Variants in SPATS2 observed in about 807,000 individuals in gnomAD.
SPATS2 encodes spermatogenesis-associated serine-rich protein 2.
Under a neutral mutation model 63.7 loss-of-function variants are expected in SPATS2, and 38 were observed. The observed-to-expected ratio is 0.60, with a 90% CI of 0.46 to 0.78. The LOEUF is 0.78. Ranked by LOEUF, SPATS2 falls within the 30% of genes least tolerant of loss-of-function variation. SPATS2 has a pLI of 0.00. For synonymous variants in SPATS2, 207 were observed against 232.9 expected (o/e 0.89, Z 1.01); for missense variants, 588 against 666.2 (o/e 0.88, Z 1.29).
chr12:49,391,507 G>A (rs1443373820), intron 2 of SPATS2, among the ~76,000 whole-genome samples: 4 of 151,988 alleles, frequency 2.6e-5, no homozygotes, highest in East Asian at 3.8e-4. Context: ...GCAAGACTGC[G>A]TCTCAAAAAA....
At chr12:49,408,252 CTTTTT>C (rs201465422) in intron 2 of SPATS2, among the ~76,000 whole-genome samples, 1 of 137,106 alleles carries the variant, frequency 7.3e-6, no homozygotes, top group Admixed American at 7.4e-5. Flanking sequence ...TAGTATTCTT[CTTTTT>C]TTTTTTTTTT....
intron 2 of SPATS2, chr12:49,390,203 A>T: frequency 8.2e-7 from 1 of 1,223,004 alleles, no homozygotes; most frequent in South Asian, 1.4e-5. Flanking sequence ...CATGGCTCCC[A>T]GTGGTCAAAT....
intron 2 of SPATS2, among the ~76,000 whole-genome samples, chr12:49,418,109 T>TTTTTTTG (rs1944920481): frequency 4.1e-5 from 3 of 73,808 alleles, no homozygotes; most frequent in Non-Finnish European, 7.6e-5. Context: ...AATGACTCAG[T>TTTTTTTG]TTTTTTTTTT....
At chr12:49,418,618 T>A (rs1944931137) in intron 2 of SPATS2, among the ~76,000 whole-genome samples, 1 of 152,054 alleles carries the variant, frequency 6.6e-6, no homozygotes, top group African/African-American at 2.4e-5. Flanking sequence ...TTATTTTTAT[T>A]TTTTGTAGAG....
intron 2 of SPATS2, chr12:49,406,534 C>A: frequency 6.6e-6 from 1 of 152,556 alleles, no homozygotes; most frequent in South Asian, 2.0e-4. Context: ...GCAATCCTCC[C>A]ACCTTGGCCT....
At position 49,526,091 on chromosome 12, in the gene SPATS2, C is replaced by G; in HGVS notation, c.1474C>G (p.Pro492Ala). The change falls in exon 14 of 14, where the codon CCA becomes GCA. Residue 492 changes from proline (P) to alanine (A), a missense_variant. Transcript: ENST00000552918. Reference protein sequence around the residue: ...YSSGSRYQSAPSQAPGNTIER... With the variant: ...YSSGSRYQSAASQAPGNTIER... ...ATCTGGTTCCAGGTATCAGAGTGCT[C>G]CATCTCAGGCACCAGGAAACACCAT... 6.2e-7 allele frequency: 1 copy of G among 1,614,176 alleles called. No homozygotes were observed. The highest frequency in any genetic ancestry group is 8.5e-7 in the Non-Finnish European group (1 of 1,180,026).
intron 7 of SPATS2, among the ~76,000 whole-genome samples, chr12:49,495,506 C>T (rs183723214): frequency 6.6e-6 from 1 of 152,196 alleles, no homozygotes; most frequent in East Asian, 1.9e-4. Context: ...TGAAAAAATA[C>T]AATTCTTGTT....
At chr12:49,518,131 C>T (rs1044161276) in intron 10 of SPATS2, among the ~76,000 whole-genome samples, 4 of 152,206 alleles carry the variant, frequency 2.6e-5, no homozygotes, top group Non-Finnish European at 2.9e-5. Context: ...CCCCTTCTCC[C>T]ATATTACATA....
At chr12:49,387,641 A>G (rs11613622) in intron 2 of SPATS2, among the ~76,000 whole-genome samples, 12,550 of 145,754 alleles carry the variant, frequency 0.086, 531 homozygotes, top group African/African-American at 0.14. Flanking sequence ...TCTGTCTCAA[A>G]AAAAAAAAAA....
At chr12:49,399,070 C>A (rs1944561346) in intron 2 of SPATS2, among the ~76,000 whole-genome samples, 1 of 152,138 alleles carries the variant, frequency 6.6e-6, no homozygotes, top group South Asian at 2.1e-4. Context: ...AAGGGCTTCT[C>A]ACCTTCTGAC....
chr12:49,506,137 G>A (rs1592467891), intron 9 of SPATS2, among the ~76,000 whole-genome samples: 1 of 152,180 alleles, frequency 6.6e-6, no homozygotes, highest in East Asian at 1.9e-4. Context: ...AATGTTCTGA[G>A]CATGTTTAAG....
At chr12:49,500,347 T>C in intron 9 of SPATS2, 142 bp downstream of exon 9, 1 of 918,042 alleles carries the variant, frequency 1.1e-6, no homozygotes. Context: ...ATATTTAGCT[T>C]TCTGCTTTGT....
chr12:49,467,174 C>T lies in SPATS2; in HGVS notation c.25+6137C>T, dbSNP rs185402885. 2.2e-3 allele frequency among the ~76,000 whole-genome samples: 333 copies of T among 149,484 alleles called. 1 individual carries two copies. Among genetic ancestry groups the T allele is most frequent in the African/African-American group, 7.7e-3 (312 of 40,730 alleles). On this transcript the variant is annotated intron_variant, in intron 3 of 13. Coordinates refer to ENST00000552918, the MANE Select transcript of SPATS2 (RefSeq NM_023071.4). ...GGAGATTTCCCCTGCCTCAACCTCC[C>T]GATAGCTGGGACTACAGGCCCACAC...
At position 49,526,113 on chromosome 12, in the gene SPATS2, C is replaced by A; in HGVS notation, c.1496C>A (p.Thr499Asn). The change falls in exon 14 of 14, where the codon ACC becomes AAC. Residue 499 changes from threonine to asparagine, a missense_variant. Physicochemically the swap from Thr to Asn is moderately conservative, Grantham distance 65 (BLOSUM62 0). Transcript: ENST00000552918. The part of the protein sequence containing the change: ...QSAPSQAPGN[T>N]IERGQTHSAG... ...GCTCCATCTCAGGCACCAGGAAACA[C>A]CATTGAAAGAGGCCAGACTCACTCT... 1 of 1,614,160 alleles carries A rather than the reference C, an allele frequency of 6.2e-7. No individual in the cohort carries two copies. Among genetic ancestry groups the A allele is most frequent in the Non-Finnish European group, 8.5e-7 (1 of 1,180,030 alleles).
At chr12:49,493,117 AGAAAG>A (rs1946411294) in intron 6 of SPATS2, among the ~76,000 whole-genome samples, 1 of 146,390 alleles carries the variant, frequency 6.8e-6, no homozygotes, top group Non-Finnish European at 1.5e-5. Context: ...AAAAAAAAAA[AGAAAG>A]AAAGAAAGAT....
intron 2 of SPATS2, among the ~76,000 whole-genome samples, chr12:49,390,763 A>G (rs1944404963): frequency 6.6e-6 from 1 of 152,232 alleles, no homozygotes; most frequent in South Asian, 2.1e-4. Flanking sequence ...TTAGCTAACA[A>G]TTGTCCATAA....
chr12:49,421,430 A>C lies in SPATS2; in HGVS notation c.-243-39340A>C, dbSNP rs1165152796. The stretch of plus-strand genomic sequence containing the variant: ...AGACTTTGTCTCAAAAAAAAAAAAA[A>C]AAAAAAAAAAAAACAACCTTTGCAC... On this transcript the variant is annotated intron_variant, in intron 2 of 13. Coordinates refer to ENST00000552918, the MANE Select transcript of SPATS2 (RefSeq NM_023071.4). Among the ~76,000 whole-genome samples the C allele has an allele frequency of 2.3e-4, 35 of 150,834 alleles. No individual in the cohort carries two copies. In the East Asian group the frequency reaches 2.3e-3, roughly 10 times the overall value.
At chr12:49,451,452 A>G (rs910558852) in intron 2 of SPATS2, among the ~76,000 whole-genome samples, 1 of 152,172 alleles carries the variant, frequency 6.6e-6, no homozygotes, top group African/African-American at 2.4e-5. Flanking sequence ...TATATTTGCT[A>G]TAAACCTAAT....
At chr12:49,436,415 C>T (rs1293813181) in intron 2 of SPATS2, among the ~76,000 whole-genome samples, 1 of 144,024 alleles carries the variant, frequency 6.9e-6, no homozygotes, top group Admixed American at 6.8e-5. Context: ...CCCCCACCTC[C>T]CTCCCGGAGG....
Sources: allele counts gnomAD v4.1 joint callset (sites outside exome capture counted in the v4.1 genomes callset), GRCh38; gene constraint gnomAD v4.1.1; transcripts MANE v1.5; gene names NCBI Gene and HGNC (gene_info 2026-07-23, HGNC 2026-07-21).